Variants in BCAS1 observed in about 807,000 individuals in gnomAD.
The protein encoded by BCAS1 is brain enriched myelin associated protein 1.
BCAS1 carries 46 observed loss-of-function variants against 65.4 expected under a neutral mutation model. The ratio of observed to expected loss-of-function variants is 0.70; its 90% CI spans 0.55 to 0.90. The LOEUF is 0.90. Among genes scored for constraint, BCAS1 ranks in the 40% least tolerant of loss-of-function variants. BCAS1 has a pLI of 0.00. For synonymous variants in BCAS1, 298 were observed against 293.5 expected (o/e 1.02, Z -0.16); for missense variants, 793 against 771.2 (o/e 1.03, Z -0.33).
rs914960439 is a variant in BCAS1 at position 54,036,482 on chromosome 20, G to A, written c.143-7510C>T. On this transcript the variant is annotated intron_variant, in intron 3 of 12. Coordinates refer to ENST00000688948, the MANE Select transcript of BCAS1 (RefSeq NM_001366298.2). The stretch of plus-strand genomic sequence containing the variant: ...AAACCTTATTTCCAGTGCCATCTTC[G>A]TGTAATTGTTAAGAACTTGGATTGT... 4.0e-5 allele frequency among the ~76,000 whole-genome samples: 6 copies of A among 151,198 alleles called. 1 individual carries two copies. Among genetic ancestry groups the A allele is most frequent in the Middle Eastern group, 3.4e-3 (1 of 290 alleles).
intron 10 of BCAS1, among the ~76,000 whole-genome samples, chr20:53,964,573 G>A (rs1255865923): frequency 3.3e-5 from 5 of 152,310 alleles, no homozygotes; most frequent in Admixed American, 2.0e-4. Context: ...CTGGGGAAAA[G>A]TGTGTCCTCA....
At chr20:53,996,975 G>A (rs1428504580) in intron 4 of BCAS1, among the ~76,000 whole-genome samples, 1 of 152,162 alleles carries the variant, frequency 6.6e-6, no homozygotes, top group East Asian at 1.9e-4. Flanking sequence ...CTGGCTCTCT[G>A]TTTGAAACAT....
chr20:54,056,516 G>C (rs547511187), intron 3 of BCAS1, among the ~76,000 whole-genome samples: 64 of 152,234 alleles, frequency 4.2e-4, no homozygotes, highest in Non-Finnish European at 7.8e-4. Flanking sequence ...ATACTACTCA[G>C]GTGACAGGTA....
chr20:53,952,943 T>A (rs183512754), intron 12 of BCAS1, among the ~76,000 whole-genome samples: 123 of 152,362 alleles, frequency 8.1e-4, no homozygotes, highest in Middle Eastern at 6.8e-3. Flanking sequence ...CTAATTTTTT[T>A]AACACGTCAA....
intron 4 of BCAS1, among the ~76,000 whole-genome samples, chr20:53,997,359 T>C (rs1436855527): frequency 2.0e-5 from 3 of 152,222 alleles, no homozygotes; most frequent in Non-Finnish European, 4.4e-5. Context: ...TAAATTCTCA[T>C]GTGACAAAGT....
At chr20:54,044,503 A>T (rs1426922312) in intron 3 of BCAS1, among the ~76,000 whole-genome samples, 3 of 152,254 alleles carry the variant, frequency 2.0e-5, no homozygotes, top group African/African-American at 4.8e-5. Context: ...TTAAAAATTT[A>T]AAACAGAAAT....
At chr20:54,065,698 T>C (rs1200052005) in intron 1 of BCAS1, among the ~76,000 whole-genome samples, 6 of 152,158 alleles carry the variant, frequency 3.9e-5, no homozygotes, top group African/African-American at 1.4e-4. Context: ...GTGAGTAAAT[T>C]CGTCTGTGGT....
chr20:53,950,454 C>T (rs896334331), intron 12 of BCAS1, among the ~76,000 whole-genome samples: 4 of 148,736 alleles, frequency 2.7e-5, no homozygotes, highest in Non-Finnish European at 6.0e-5. Flanking sequence ...CAGACACACT[C>T]AGGCAAAAGT....
At position 53,985,346 on chromosome 20, in the gene BCAS1, C is replaced by T. The variant is rs775960671; in HGVS notation, c.1216G>A (p.Gly406Ser). 2.5e-6 allele frequency: 4 copies of T among 1,614,026 alleles called. No individual in the cohort carries two copies. Among genetic ancestry groups the T allele is most frequent in the Non-Finnish European group, 2.5e-6 (3 of 1,179,966 alleles). ...SVTTPEPAKE[G>S]TKEKSGPTSL... The stretch of plus-strand genomic sequence containing the variant: ...GTGGGTCCTGATTTCTCCTTGGTGC[C>T]TTCCTTCGCAGGTTCAGGGGTTGTC... The change falls in exon 8 of 13, where the codon GGC (glycine) becomes AGC (serine). Residue 406 changes from glycine (G) to serine (S), a missense_variant. Gly to Ser is a moderately conservative substitution (Grantham distance 56). Coordinates refer to ENST00000688948, the MANE Select transcript of BCAS1 (RefSeq NM_001366298.2).
chr20:54,055,687 T>A (rs559312802), intron 3 of BCAS1, among the ~76,000 whole-genome samples: 1 of 152,156 alleles, frequency 6.6e-6, no homozygotes, highest in African/African-American at 2.4e-5. Flanking sequence ...GGTCTCAAAG[T>A]GGTAGCTGTA....
chr20:54,058,012 T>G, intron 3 of BCAS1, 73 bp downstream of exon 3: 1 of 1,097,514 alleles, frequency 9.1e-7, no homozygotes, highest in Non-Finnish European at 1.3e-6. Context: ...TTTTTTTTTT[T>G]TCACCGTAAA....
intron 12 of BCAS1, among the ~76,000 whole-genome samples, chr20:53,946,080 C>CTAT (rs371034176): frequency 6.6e-6 from 1 of 151,748 alleles, no homozygotes; most frequent in Admixed American, 6.6e-5. Flanking sequence ...AGCCTGAGTA[C>CTAT]TATTATTATT....
chr20:54,061,317 C>T (rs1192881830), intron 1 of BCAS1, among the ~76,000 whole-genome samples: 1 of 152,196 alleles, frequency 6.6e-6, no homozygotes, highest in Non-Finnish European at 1.5e-5. Context: ...CAAGGGCAAA[C>T]ATCCAGTGAG....
At chr20:54,030,389 C>T (rs1010982550) in intron 3 of BCAS1, among the ~76,000 whole-genome samples, 4 of 152,166 alleles carry the variant, frequency 2.6e-5, no homozygotes, top group African/African-American at 4.8e-5. Context: ...TGGCACAACG[C>T]CTTTTCCATA....
intron 3 of BCAS1, among the ~76,000 whole-genome samples, chr20:54,049,931 C>T (rs959194011): frequency 1.3e-5 from 2 of 152,198 alleles, no homozygotes; most frequent in African/African-American, 4.8e-5. Flanking sequence ...GATATGGTTC[C>T]ATTTCCGATT....
At chr20:54,047,909 A>G (rs1165193337) in intron 3 of BCAS1, among the ~76,000 whole-genome samples, 1 of 152,160 alleles carries the variant, frequency 6.6e-6, no homozygotes, top group African/African-American at 2.4e-5. Context: ...AAGAGGATGA[A>G]GGGAAGTTAC....
intron 4 of BCAS1, among the ~76,000 whole-genome samples, chr20:54,003,385 C>G (rs1333302642): frequency 6.6e-6 from 1 of 152,138 alleles, no homozygotes; most frequent in Non-Finnish European, 1.5e-5. Flanking sequence ...CTTCTGTCTT[C>G]CCTTTTGAAA....
At chr20:53,997,184 C>A (rs999440338) in intron 4 of BCAS1, among the ~76,000 whole-genome samples, 5 of 152,218 alleles carry the variant, frequency 3.3e-5, no homozygotes, top group African/African-American at 1.2e-4. Context: ...TGCTTTTCCT[C>A]ATACTCCCAT....
rs558567422 is a variant in BCAS1, at chr20:53,951,422, G to A, written c.1815+2010C>T. ...GGATGCGGAGGTTGCGGTGAGCCGA[G>A]ATTGCACCATTGCACTCCAGCCTGG... On this transcript the variant is annotated intron_variant, in intron 12 of 12. Coordinates refer to ENST00000688948, the MANE Select transcript of BCAS1 (RefSeq NM_001366298.2). Among the ~76,000 whole-genome samples the A allele has an allele frequency of 2.6e-5, 4 of 152,318 alleles. No homozygotes were observed. The East Asian group carries it at 7.7e-4, about 29-fold the overall frequency.
Sources: allele counts gnomAD v4.1 joint callset (sites outside exome capture counted in the v4.1 genomes callset), GRCh38; gene constraint gnomAD v4.1.1; transcripts MANE v1.5; gene names NCBI Gene and HGNC (gene_info 2026-07-23, HGNC 2026-07-21).